The following MXI1 variants were observed in gnomAD, a reference collection of about 807,000 sequenced individuals.
The protein encoded by MXI1 is max-interacting protein 1.
In MXI1, 18 loss-of-function variants were observed where a neutral mutation model predicts 36.9. That is an observed-to-expected ratio of 0.49 (90% CI 0.34 to 0.72). The LOEUF is 0.72. Among genes scored for constraint, MXI1 ranks in the 30% least tolerant of loss-of-function variants. The pLI is 0.01. For synonymous variants in MXI1, 160 were observed against 146.7 expected, an observed-to-expected ratio of 1.09 and a Z score of -0.65; for missense variants, 304 against 379.1, an observed-to-expected ratio of 0.80 and a Z score of 1.64.
chr10:110,240,692 G>T (rs188985057), intron 2 of MXI1, among the ~76,000 whole-genome samples: 63 of 151,796 alleles, frequency 4.2e-4, no homozygotes, highest in African/African-American at 9.4e-4. Context: ...AAATTTTCTG[G>T]TTTTTTTGCC....
intron 3 of MXI1, among the ~76,000 whole-genome samples, chr10:110,276,010 G>A (rs1168819857): frequency 2.6e-5 from 4 of 152,128 alleles, no homozygotes; most frequent in African/African-American, 9.7e-5. Flanking sequence ...TGTTCATTTA[G>A]GCATTTTTCA....
intron 2 of MXI1, among the ~76,000 whole-genome samples, chr10:110,229,973 T>C (rs572055358): frequency 6.6e-6 from 1 of 152,200 alleles, no homozygotes; most frequent in Non-Finnish European, 1.5e-5. Flanking sequence ...ATAATTTCAG[T>C]ACATTTCCCA....
At chr10:110,217,639 G>C (rs1042567495) in intron 1 of MXI1, among the ~76,000 whole-genome samples, 1 of 152,144 alleles carries the variant, frequency 6.6e-6, no homozygotes, top group Non-Finnish European at 1.5e-5. Context: ...CTAAGTTTTT[G>C]TTGAACTGAG....
chr10:110,268,398 A>G (rs1253109843), intron 3 of MXI1, among the ~76,000 whole-genome samples: 1 of 152,198 alleles, frequency 6.6e-6, no homozygotes, highest in Non-Finnish European at 1.5e-5. Flanking sequence ...GGAGAGTCAA[A>G]CTAAGATTTA....
chr10:110,229,961 A>G (rs370600409), intron 2 of MXI1, among the ~76,000 whole-genome samples: 1 of 152,308 alleles, frequency 6.6e-6, no homozygotes, highest in East Asian at 1.9e-4. Context: ...GAAATTAGGT[A>G]TATAATTTCA....
In MXI1 at chr10:110,228,246, A is replaced by G. The variant is rs773291838; in HGVS notation, c.332A>G (p.His111Arg). The G allele has an allele frequency of 6.2e-7, 1 of 1,614,090 alleles. No homozygotes were observed. The highest frequency in any genetic ancestry group is 1.7e-5 in the Admixed American group (1 of 60,020). ...TCCATGCCGAGCCCCCGACTGCAGCATTCAAAGCCCCCACGGAGGTTGAGC... is the reference window on the plus strand; with the variant it reads ...TCCATGCCGAGCCCCCGACTGCAGCGTTCAAAGCCCCCACGGAGGTTGAGC... The part of the protein sequence containing the change: ...FPSMPSPRLQ[H>R]SKPPRRLSRA... Residue 111 changes from histidine to arginine, a missense_variant, in exon 2 of 6, where the codon CAT becomes CGT. By Grantham distance (29) the His-to-Arg change is conservative (BLOSUM62 0). Around this residue, in one of 2 missense-constraint regions of MXI1, gnomAD observed 179 missense variants for 184.8 expected, o/e 0.97. Transcript: ENST00000332674.
At chr10:110,284,247 C>T (rs939338057) in intron 5 of MXI1, among the ~76,000 whole-genome samples, 6 of 151,890 alleles carry the variant, frequency 4.0e-5, no homozygotes, top group African/African-American at 7.3e-5. Context: ...ATATTTGATG[C>T]AAGAAAATTA....
chr10:110,283,041 T>G (rs1794349666), intron 5 of MXI1, among the ~76,000 whole-genome samples: 1 of 152,108 alleles, frequency 6.6e-6, no homozygotes, highest in Admixed American at 6.6e-5. Flanking sequence ...TGTTATTATC[T>G]TCTAGTTGTA....
At chr10:110,229,304 TAA>T (rs2134357837) in intron 2 of MXI1, among the ~76,000 whole-genome samples, 1 of 152,330 alleles carries the variant, frequency 6.6e-6, no homozygotes, top group South Asian at 2.1e-4. Flanking sequence ...GAGAATATAA[TAA>T]ACATTCATTT....
intron 3 of MXI1, among the ~76,000 whole-genome samples, chr10:110,246,882 A>G (rs1403198241): frequency 1.3e-5 from 2 of 152,226 alleles, no homozygotes; most frequent in African/African-American, 4.8e-5. Flanking sequence ...AAACATAACA[A>G]AAAAGACTAA....
chr10:110,216,442 A>G (rs1410757049), intron 1 of MXI1, among the ~76,000 whole-genome samples: 2 of 152,080 alleles, frequency 1.3e-5, no homozygotes, highest in Non-Finnish European at 2.9e-5. Context: ...TTCCAGTGCC[A>G]GGTTTTAGAG....
intron 1 of MXI1, among the ~76,000 whole-genome samples, chr10:110,221,607 C>T (rs188718698): frequency 6.6e-6 from 1 of 152,320 alleles, no homozygotes; most frequent in East Asian, 1.9e-4. Context: ...ATTATAATCA[C>T]TGAAATAGGC....
intron 1 of MXI1, chr10:110,226,025 A>ACGGCGGGCG: frequency 2.0e-6 from 2 of 976,296 alleles, no homozygotes; most frequent in South Asian, 4.8e-5. Flanking sequence ...TGCCCGCGGC[A>ACGGCGGGCG]CGGCGGGCGC....
chr10:110,245,720 T>TG (rs939491174), intron 3 of MXI1: 4 of 152,324 alleles, frequency 2.6e-5, no homozygotes, highest in African/African-American at 9.6e-5. Context: ...GCCTGTGTCT[T>TG]GGAAATATCG....
intron 1 of MXI1, among the ~76,000 whole-genome samples, chr10:110,211,974 T>G (rs1854526729): frequency 6.6e-6 from 1 of 152,092 alleles, no homozygotes; most frequent in Non-Finnish European, 1.5e-5. Context: ...GACTAATAAG[T>G]AGAAAAAGAT....
chr10:110,229,274 GT>G (rs1855173274), intron 2 of MXI1, among the ~76,000 whole-genome samples: 1 of 152,146 alleles, frequency 6.6e-6, no homozygotes, highest in Non-Finnish European at 1.5e-5. Flanking sequence ...CTTTATTTCT[GT>G]TTCCCAGAGC....
At chr10:110,274,729 C>T (rs1856970431) in intron 3 of MXI1, among the ~76,000 whole-genome samples, 1 of 152,148 alleles carries the variant, frequency 6.6e-6, no homozygotes, top group South Asian at 2.1e-4. Context: ...TAACTTTCCC[C>T]AACCTTCTTT....
At chr10:110,252,084 G>A (rs1196337965) in intron 3 of MXI1, among the ~76,000 whole-genome samples, 2 of 152,200 alleles carry the variant, frequency 1.3e-5, no homozygotes, top group East Asian at 3.9e-4. Context: ...TTCTGAAGTA[G>A]TCCATATAAT....
At chr10:110,240,463 T>G (rs1855631018) in intron 2 of MXI1, among the ~76,000 whole-genome samples, 1 of 152,122 alleles carries the variant, frequency 6.6e-6, no homozygotes, top group Non-Finnish European at 1.5e-5. Flanking sequence ...ACATTTCTTA[T>G]GAGGCATTTT....
Sources: gnomAD v4.1 joint callset for allele counts (sites outside exome capture counted in the v4.1 genomes callset) on GRCh38, gnomAD v4.1.1 for gene constraint, gnomAD v4.1.1 regional missense constraint, MANE v1.5 for transcripts, NCBI Gene and HGNC (gene_info 2026-07-23, HGNC 2026-07-21) for gene names.